PSTPIP1: variants seen among roughly 807,000 people sequenced by gnomAD.
PSTPIP1 encodes the protein proline-serine-threonine phosphatase interacting protein 1.
A neutral mutation model predicts 69.6 loss-of-function variants in PSTPIP1; 66 were observed. The observed-to-expected ratio is 0.95, with a 90% CI of 0.78 to 1.16. The LOEUF (loss-of-function observed/expected upper bound fraction) is 1.16. PSTPIP1 is among the 50% of genes most tolerant of loss of function. The probability of loss-of-function intolerance (pLI) is 0.00; values close to 1 mark genes in which losing one functional copy is unlikely to be tolerated. For synonymous variants in PSTPIP1, 266 were observed against 222.7 expected, an observed-to-expected ratio of 1.19 and a Z score of -1.73; for missense variants, 603 against 557.4, an observed-to-expected ratio of 1.08 and a Z score of -0.82.
At chr15:77,018,645 G>A (rs2076100896) in intron 3 of PSTPIP1, 114 bp downstream of exon 3, 4 of 1,151,962 alleles carry the variant, frequency 3.5e-6, no homozygotes, top group Non-Finnish European at 4.8e-6. Context: ...ACCAGGGTAG[G>A]TCTGGATTGC....
chr15:77,015,709 C>G (rs1344671642), intron 1 of PSTPIP1: 2 of 351,236 alleles, frequency 5.7e-6, no homozygotes, highest in Non-Finnish European at 1.1e-5. Flanking sequence ...AGACCCATGC[C>G]CTCGAGGAAG....
rs76771911 is a variant in PSTPIP1 at position 77,017,132 on chromosome 15, G to A, written c.37-1016G>A. On this transcript the variant is annotated intron_variant, in intron 1 of 14. Transcript: ENST00000558012. The stretch of plus-strand genomic sequence containing the variant: ...CACCTCTCAAGCTCCCCTGGAGTAA[G>A]CCTGCGTGCAGTGCCTGGGAGAGCT... Among the ~76,000 whole-genome samples the A allele has an allele frequency of 5.1e-3, 770 of 152,284 alleles. 8 individuals carry two copies. The highest frequency in any genetic ancestry group is 0.018 in the African/African-American group (743 of 41,558).
At chr15:77,036,995 C>A in intron 14 of PSTPIP1, 50 bp from the exon 15 acceptor site, 1 of 1,577,832 alleles carries the variant, frequency 6.3e-7, no homozygotes, top group Non-Finnish European at 8.6e-7. Flanking sequence ...CCCTGCAGGC[C>A]CTTCCCTGCA....
chr15:77,002,427 CCTTTGTCATT>C (rs1471704030), intron 1 of PSTPIP1, among the ~76,000 whole-genome samples: 1 of 152,212 alleles, frequency 6.6e-6, no homozygotes, highest in Non-Finnish European at 1.5e-5. Flanking sequence ...ATACAGAGTA[CCTTTGTCATT>C]AAAAAGAAAA....
intron 1 of PSTPIP1, among the ~76,000 whole-genome samples, chr15:77,009,434 C>A (rs539914837): frequency 1.3e-5 from 2 of 152,338 alleles, no homozygotes; most frequent in African/African-American, 4.8e-5. Context: ...CACCTCATAT[C>A]AGCCCTATAA....
At chr15:77,021,611 G>A (rs937270768) in intron 3 of PSTPIP1, among the ~76,000 whole-genome samples, 3 of 152,156 alleles carry the variant, frequency 2.0e-5, no homozygotes, top group Non-Finnish European at 4.4e-5. Flanking sequence ...CCTGGGAGAC[G>A]GAGGTTGCAG....
intron 3 of PSTPIP1, among the ~76,000 whole-genome samples, chr15:77,019,748 G>A (rs942802701): frequency 6.8e-6 from 1 of 147,754 alleles, no homozygotes; most frequent in Non-Finnish European, 1.5e-5. Flanking sequence ...GGGAAGGGCT[G>A]AGGGCCGGGT....
chr15:77,028,566 T>C lies in PSTPIP1; in HGVS notation c.430T>C (p.Tyr144His), dbSNP rs377240256. 2.5e-6 allele frequency: 4 copies of C among 1,601,524 alleles called. No homozygotes were observed. Among genetic ancestry groups the C allele is most frequent in the Non-Finnish European group, 3.4e-6 (4 of 1,174,966 alleles). The change falls in exon 7 of 15, where the codon TAC (tyrosine) becomes CAC (histidine). Residue 144 changes from tyrosine (Y) to histidine (H), a missense_variant. Physicochemically the swap from Tyr to His is moderately conservative, Grantham distance 83 (BLOSUM62 2). Transcript: ENST00000558012. ...TCCACACCCCCAGTCCAAGAAGACA[T>C]ACGAGCAGAAGTGCCGGGACGCGGA... ...YKKAMESKKT[Y>H]EQKCRDADDA...
intron 1 of PSTPIP1, among the ~76,000 whole-genome samples, chr15:77,014,810 C>G (rs529144042): frequency 2.0e-4 from 30 of 152,370 alleles, no homozygotes; most frequent in African/African-American, 7.2e-4. Flanking sequence ...GCACCCAGGC[C>G]TTGGCCACAC....
chr15:77,012,851 G>A (rs553889803), intron 1 of PSTPIP1, among the ~76,000 whole-genome samples: 2 of 152,332 alleles, frequency 1.3e-5, no homozygotes, highest in African/African-American at 4.8e-5. Context: ...GGCACCTCAG[G>A]AAGCAGCCGT....
rs79941195 is a variant in PSTPIP1, at chr15:77,015,499, C to T, written c.37-2649C>T. On this transcript the variant is annotated intron_variant, in intron 1 of 14. Coordinates refer to ENST00000558012, the MANE Select transcript of PSTPIP1 (RefSeq NM_003978.5). ...AAAGGGCAGGGCCACAGGCAGCATT[C>T]GGATGACAGAGGTTGGACAGGATGA... is the stretch of plus-strand genomic sequence containing the variant. 1.3e-3 allele frequency among the ~76,000 whole-genome samples: 192 copies of T among 152,206 alleles called. 1 individual carries two copies. The highest frequency in any genetic ancestry group is 4.4e-3 in the African/African-American group (183 of 41,540).
At position 76,995,201 on chromosome 15, in the gene PSTPIP1, C is replaced by T. The variant is rs531154710; in HGVS notation, c.-373C>T. ...CGGCCCGAGCTCCAGCCTGCCTCTT[C>T]CACTGGCCACTGCCTCCCACCCAGG... On this transcript the variant is annotated 5_prime_UTR_variant, in exon 1 of 15. Coordinates refer to ENST00000558012, the MANE Select transcript of PSTPIP1 (RefSeq NM_003978.5). 87 of 1,208,558 alleles carry T rather than the reference C, an allele frequency of 7.2e-5. 1 individual carries two copies. The East Asian group carries it at 1.8e-3, about 25-fold the overall frequency. The allele number at this position is 1,208,558 out of a possible 1,614,324, so 74.9% of individuals were successfully genotyped here. A position where few individuals can be genotyped will look rare whatever the true frequency, so the allele number is the denominator to read the frequency against.
At chr15:76,995,759 C>T (rs1483499643) in intron 1 of PSTPIP1, 150 bp downstream of exon 1, 1 of 1,390,944 alleles carries the variant, frequency 7.2e-7, no homozygotes. Flanking sequence ...GGAGGTGGCC[C>T]AGGCCCCCAC....
intron 1 of PSTPIP1, among the ~76,000 whole-genome samples, chr15:77,005,646 C>T (rs913837277): frequency 6.6e-6 from 1 of 152,202 alleles, no homozygotes; most frequent in Non-Finnish European, 1.5e-5. Context: ...TAACTCCCCA[C>T]CCCTTCACCG....
At chr15:77,033,592 G>A (rs1270372567) in intron 12 of PSTPIP1, among the ~76,000 whole-genome samples, 1 of 152,166 alleles carries the variant, frequency 6.6e-6, no homozygotes, top group Non-Finnish European at 1.5e-5. Context: ...GCATCCACAA[G>A]GGTCTGTGGG....
Position 77,027,994 on chromosome 15 carries a change from C to CG in PSTPIP1, c.417+83dup, listed in dbSNP as rs2076323475. 2.3e-6 allele frequency: 3 copies of CG among 1,290,240 alleles called. No homozygotes were observed. The highest frequency in any genetic ancestry group is 2.0e-5 in the Admixed American group (1 of 50,260). 79.9% of individuals were successfully genotyped at this position (1,290,240 alleles called of 1,614,324 possible). ...AGGGTGCGATCCTGGGCTGTGGCCCCGGGCAGGGCATTTGGAACAGGCTGA... is the reference window on the plus strand; with the variant it reads ...AGGGTGCGATCCTGGGCTGTGGCCCCGGGGCAGGGCATTTGGAACAGGCTGA... On this transcript the variant is annotated intron_variant, in intron 6 of 14. Coordinates refer to ENST00000558012, the MANE Select transcript of PSTPIP1 (RefSeq NM_003978.5). The surrounding 1 kb of genome is among the most constrained non-coding windows in gnomAD (Gnocchi z 4.3).
At chr15:77,008,109 T>C (rs2075856063) in intron 1 of PSTPIP1, 1 of 454,276 alleles carries the variant, frequency 2.2e-6, no homozygotes, top group African/African-American at 2.0e-5. Flanking sequence ...AGCACAGAAG[T>C]CTGGATCAGT....
chr15:77,035,842 G>T lies in PSTPIP1; in HGVS notation c.1026G>T (p.Glu342Asp). ...TGACCCCCACCCCCGAGCGGAATGA[G>T]GGTGTCTACACAGCCATCGCAGTGC... The part of the protein sequence containing the change: ...ETLTPTPERN[E>D]GVYTAIAVQE... The change falls in exon 14 of 15, where the codon GAG becomes GAT. Residue 342 changes from glutamate (E) to aspartate (D), a missense_variant. Physicochemically the swap from Glu to Asp is conservative, Grantham distance 45. Transcript: ENST00000558012. The T allele has an allele frequency of 6.2e-7, 1 of 1,610,438 alleles. No individual in the cohort carries two copies. Among genetic ancestry groups the T allele is most frequent in the East Asian group, 2.2e-5 (1 of 44,854 alleles).
At chr15:77,008,321 G>A (rs888676355) in intron 1 of PSTPIP1, among the ~76,000 whole-genome samples, 11 of 152,116 alleles carry the variant, frequency 7.2e-5, no homozygotes, top group Non-Finnish European at 1.5e-4. Context: ...AGCAGGAGCC[G>A]CTCTGAAGCT....
Sources: gnomAD v4.1 joint callset for allele counts (sites outside exome capture counted in the v4.1 genomes callset) on GRCh38, gnomAD v4.1.1 for gene constraint, Gnocchi (gnomAD v3.1) non-coding constraint, MANE v1.5 for transcripts, NCBI Gene and HGNC (gene_info 2026-07-23, HGNC 2026-07-21) for gene names.